FANCL: variants seen among roughly 807,000 people sequenced by gnomAD.
FANCL encodes FA complementation group L, also known as E3 ubiquitin-protein ligase FANCL.
A neutral mutation model predicts 59.4 loss-of-function variants in FANCL; 69 were observed. The observed-to-expected ratio is 1.16, with a 90% CI of 0.96 to 1.42. The LOEUF is 1.42. Ranked by LOEUF, FANCL falls within the 40% of genes most tolerant of loss-of-function variation. The pLI, the probability that FANCL is intolerant of heterozygous loss-of-function variation, is 0.00. For missense variants in FANCL, 519 were observed against 447.2 expected, an observed-to-expected ratio of 1.16 and a Z score of -1.45; for synonymous variants, 180 against 147.1, an observed-to-expected ratio of 1.22 and a Z score of -1.62.
chr2:58,159,403 G>A lies in FANCL; in HGVS notation c.*362C>T. ...AGAGTCTCAAGAACCTTTGAATGAA[G>A]TAAACAGTTTCCCACAAAAAATCAG... On this transcript the variant is annotated 3_prime_UTR_variant, in exon 14 of 14. Transcript: ENST00000233741. 6.2e-7 allele frequency: 1 copy of A among 1,613,416 alleles called. No homozygotes were observed. Among genetic ancestry groups the A allele is most frequent in the Non-Finnish European group, 8.5e-7 (1 of 1,179,662 alleles).
Position 58,163,521 on chromosome 2 carries a change from G to T in FANCL, c.692-4C>A, listed in dbSNP as rs751346195. The stretch of plus-strand genomic sequence containing the variant: ...ATATTTATGGAAACATTATTACCTA[G>T]AATGAAACAAGATTAAATCTTTTAG... On this transcript the variant is annotated splice_region_variant and splice_polypyrimidine_tract_variant and intron_variant, in intron 8 of 13. Transcript: ENST00000233741. The T allele has an allele frequency of 5.1e-6, 8 of 1,554,902 alleles. No individual in the cohort carries two copies. The highest frequency in any genetic ancestry group is 7.1e-6 in the Non-Finnish European group (8 of 1,127,096).
intron 7 of FANCL, among the ~76,000 whole-genome samples, chr2:58,184,881 A>G (rs1486942411): frequency 6.6e-6 from 1 of 152,126 alleles, no homozygotes; most frequent in South Asian, 2.1e-4. Context: ...GTGAGAATAA[A>G]TAATAGCCAA....
At chr2:58,192,971 T>C (rs954194629) in intron 7 of FANCL, among the ~76,000 whole-genome samples, 4 of 151,836 alleles carry the variant, frequency 2.6e-5, no homozygotes, top group African/African-American at 9.7e-5. Context: ...ATCCTGATGA[T>C]CAACTAAAAA....
intron 1 of FANCL, among the ~76,000 whole-genome samples, chr2:58,235,955 AAAAAATGAAC>A (rs1693978468): frequency 6.6e-6 from 1 of 152,040 alleles, no homozygotes; most frequent in Admixed American, 6.5e-5. Flanking sequence ...TTGAGGGAAA[AAAAAATGAAC>A]AGACCATGAG....
chr2:58,163,317 G>A (rs1685487077), intron 9 of FANCL, 117 bp downstream of exon 9: 14 of 818,926 alleles, frequency 1.7e-5, no homozygotes, highest in East Asian at 5.3e-5. Flanking sequence ...GCAAAACTCC[G>A]TCTCAGACAA....
At chr2:58,161,924 T>C (rs1249612241) in intron 11 of FANCL, among the ~76,000 whole-genome samples, 1 of 151,950 alleles carries the variant, frequency 6.6e-6, no homozygotes, top group Non-Finnish European at 1.5e-5. Context: ...TATATTGCTG[T>C]ATTATAGGAA....
intron 2 of FANCL, among the ~76,000 whole-genome samples, chr2:58,231,440 C>T (rs545681179): frequency 6.6e-6 from 1 of 152,152 alleles, no homozygotes; most frequent in Non-Finnish European, 1.5e-5. Flanking sequence ...AGATCTGAGC[C>T]GGGAATTTGA....
At chr2:58,205,114 T>C (rs913329172) in intron 5 of FANCL, among the ~76,000 whole-genome samples, 4 of 152,054 alleles carry the variant, frequency 2.6e-5, no homozygotes, top group African/African-American at 7.2e-5. Flanking sequence ...CCCAGGCTGA[T>C]AGTAAGACCC....
At chr2:58,221,544 A>T (rs1266842312) in intron 5 of FANCL, among the ~76,000 whole-genome samples, 1 of 152,200 alleles carries the variant, frequency 6.6e-6, no homozygotes, top group East Asian at 1.9e-4. Flanking sequence ...ATATATATGT[A>T]AATTTAGACA....
chr2:58,165,881 A>T lies in FANCL; in HGVS notation c.541-7T>A. ...AAATGCTTATTAAGGAGCTCTGTGA[A>T]AAAAATGAAAGTTGAATAAGTTATA... On this transcript the variant is annotated splice_polypyrimidine_tract_variant and splice_region_variant and intron_variant, in intron 7 of 13. Coordinates refer to ENST00000233741, the MANE Select transcript of FANCL (RefSeq NM_018062.4). 2.5e-6 allele frequency: 4 copies of T among 1,613,732 alleles called. No individual in the cohort carries two copies. Among genetic ancestry groups the T allele is most frequent in the Non-Finnish European group, 3.4e-6 (4 of 1,179,704 alleles).
chr2:58,171,787 C>G (rs1196298670), intron 7 of FANCL, among the ~76,000 whole-genome samples: 2 of 152,200 alleles, frequency 1.3e-5, no homozygotes, highest in South Asian at 2.1e-4. Flanking sequence ...CATGCGCGAG[C>G]AGAAGCAGGA....
At chr2:58,176,639 T>C (rs1318967515) in intron 7 of FANCL, among the ~76,000 whole-genome samples, 2 of 152,128 alleles carry the variant, frequency 1.3e-5, no homozygotes, top group African/African-American at 2.4e-5. Flanking sequence ...TCAAGATGGA[T>C]TAAAGACTTA....
At chr2:58,172,502 G>A (rs1214607947) in intron 7 of FANCL, among the ~76,000 whole-genome samples, 1 of 152,182 alleles carries the variant, frequency 6.6e-6, no homozygotes, top group East Asian at 1.9e-4. Context: ...GGTCTGGAGT[G>A]GACCTCTAGC....
intron 1 of FANCL, among the ~76,000 whole-genome samples, chr2:58,237,863 TAA>T (rs1251019938): frequency 1.3e-5 from 2 of 152,180 alleles, no homozygotes; most frequent in African/African-American, 4.8e-5. Context: ...CTTCAGAGAC[TAA>T]GAGATTAAAG....
At position 58,159,815 on chromosome 2, in the gene FANCL, CATATTTTAACAAAGTTTGT is replaced by C. The variant is rs760337641; in HGVS notation, c.1093-34_1093-16del. ...AAGGTAATTGGCTTTAAAAAGAGAA[CATATTTTAACAAAGTTTGT>C]GGACACTCTAAAAAATAAAATTGCT... On this transcript the variant is annotated splice_polypyrimidine_tract_variant and intron_variant, in intron 13 of 13. Coordinates refer to ENST00000233741, the MANE Select transcript of FANCL (RefSeq NM_018062.4). The C allele has an allele frequency of 1.9e-6, 3 of 1,611,628 alleles. No homozygotes were observed. The highest frequency in any genetic ancestry group is 2.5e-6 in the Non-Finnish European group (3 of 1,179,202).
intron 7 of FANCL, among the ~76,000 whole-genome samples, chr2:58,173,048 T>C (rs1338593730): frequency 1.3e-5 from 2 of 151,848 alleles, no homozygotes; most frequent in East Asian, 1.9e-4. Flanking sequence ...TGACGGAAGA[T>C]GAAGTGAATG....
At chr2:58,176,786 T>C (rs535054761) in intron 7 of FANCL, among the ~76,000 whole-genome samples, 3,004 of 152,236 alleles carry the variant, frequency 0.02, 114 homozygotes, top group African/African-American at 0.069. Context: ...AAATGGGATC[T>C]AATTAAACTA....
chr2:58,202,556 C>T (rs1345705529), intron 6 of FANCL, among the ~76,000 whole-genome samples: 1 of 151,408 alleles, frequency 6.6e-6, no homozygotes, highest in African/African-American at 2.4e-5. Context: ...TCCTTCCCAG[C>T]TTAAATAAAG....
chr2:58,172,343 G>A (rs181630882), intron 7 of FANCL, among the ~76,000 whole-genome samples: 299 of 152,338 alleles, frequency 2.0e-3, no homozygotes, highest in Non-Finnish European at 3.5e-3. Context: ...CTAACTGGGA[G>A]GCACCGCCCA....
Sources: gnomAD v4.1 joint callset for allele counts (sites outside exome capture counted in the v4.1 genomes callset) on GRCh38, gnomAD v4.1.1 for gene constraint, MANE v1.5 for transcripts, NCBI Gene and HGNC (gene_info 2026-07-23, HGNC 2026-07-21) for gene names.